The following USP34 variants were observed in gnomAD, a reference collection of about 807,000 sequenced individuals.
USP34 encodes the protein ubiquitin carboxyl-terminal hydrolase 34.
USP34 carries 70 observed loss-of-function variants against 460.3 expected under a neutral mutation model. The observed-to-expected ratio is 0.15, with a 90% CI of 0.13 to 0.19. The LOEUF (loss-of-function observed/expected upper bound fraction) is 0.19. Among genes scored for constraint, USP34 ranks in the 10% least tolerant of loss-of-function variants. The probability of loss-of-function intolerance (pLI) is 1.00; values close to 1 mark genes in which losing one functional copy is unlikely to be tolerated. For missense variants in USP34, 3,985 were observed against 4,236.2 expected, an observed-to-expected ratio of 0.94 and a Z score of 1.65; for synonymous variants, 1,647 against 1,405.3, an observed-to-expected ratio of 1.17 and a Z score of -3.85.
intron 20 of USP34, among the ~76,000 whole-genome samples, chr2:61,326,486 G>C (rs905950620): frequency 3.9e-5 from 6 of 152,038 alleles, no homozygotes; most frequent in Admixed American, 3.3e-4. Flanking sequence ...CCTTGGCCTA[G>C]CAAAGTGCTG....
At chr2:61,240,285 A>G (rs191890075) in intron 53 of USP34, among the ~76,000 whole-genome samples, 1 of 152,222 alleles carries the variant, frequency 6.6e-6, no homozygotes, top group African/African-American at 2.4e-5. Flanking sequence ...GTATTCCTTA[A>G]TATGTAAAAT....
chr2:61,287,951 A>C (rs1689738071), intron 34 of USP34, among the ~76,000 whole-genome samples: 1 of 152,192 alleles, frequency 6.6e-6, no homozygotes, highest in Non-Finnish European at 1.5e-5. Flanking sequence ...TATATCAAAA[A>C]CCAAATTCCT....
chr2:61,348,138 T>C lies in USP34; in HGVS notation c.2017A>G (p.Lys673Glu). 6.2e-7 allele frequency: 1 copy of C among 1,614,222 alleles called. No individual in the cohort carries two copies. The highest frequency in any genetic ancestry group is 8.5e-7 in the Non-Finnish European group (1 of 1,180,032). Residue 673 changes from lysine (K) to glutamate (E), a missense_variant, in exon 15 of 80, where the codon AAG becomes GAG. Lys to Glu is a moderately conservative substitution (Grantham distance 56, BLOSUM62 1). Around this residue, in one of 14 missense-constraint regions of USP34, gnomAD observed 716 missense variants for 626.2 expected, o/e 1.14. Coordinates refer to ENST00000398571, the MANE Select transcript of USP34 (RefSeq NM_014709.4). ...ERNGTSSGTG[K>E]DLVFNTESLP... Reference sequence around the variant, plus strand: ...GATTCAGTGTTAAAAACCAGGTCCTTTCCTGTTCCGCTGCTTGTCCCATTT... The same window carrying C: ...GATTCAGTGTTAAAAACCAGGTCCTCTCCTGTTCCGCTGCTTGTCCCATTT...
rs769375917 is a variant in USP34 at position 61,211,794 on chromosome 2, A to T, written c.8818T>A (p.Ser2940Thr). The change falls in exon 69 of 80, where the codon TCC becomes ACC. Residue 2940 changes from serine (S) to threonine (T), a missense_variant. Physicochemically the swap from Ser to Thr is moderately conservative, Grantham distance 58. Transcript: ENST00000398571. The stretch of plus-strand genomic sequence containing the variant: ...TACCTTATTAAAGTAGTCCAGCAGG[A>T]GCGGCCATCTAAGCAACGTAAGTAA... The part of the protein sequence containing the change: ...SCYLRCLDGR[S>T]CWTTLISAFR... The T allele has an allele frequency of 3.1e-6, 5 of 1,588,086 alleles. No homozygotes were observed. The highest frequency in any genetic ancestry group is 1.4e-5 in the African/African-American group (1 of 72,384).
At chr2:61,279,442 C>T (rs938538499) in intron 39 of USP34, among the ~76,000 whole-genome samples, 4 of 152,096 alleles carry the variant, frequency 2.6e-5, no homozygotes, top group African/African-American at 9.7e-5. Context: ...AAACGCAAGT[C>T]TTTAAGTGGC....
At chr2:61,383,429 G>T in intron 5 of USP34, 93 bp from the exon 6 acceptor site, 1 of 957,304 alleles carries the variant, frequency 1.0e-6, no homozygotes, top group Non-Finnish European at 1.5e-6. Context: ...CATTGGCCAG[G>T]CACGGTCGCT....
At chr2:61,378,045 C>G (rs193029506) in intron 8 of USP34, among the ~76,000 whole-genome samples, 4 of 152,134 alleles carry the variant, frequency 2.6e-5, no homozygotes, top group Non-Finnish European at 5.9e-5. Flanking sequence ...TGCTGGCATG[C>G]GCCTATGGTC....
chr2:61,209,536 A>G (rs1391559131), intron 69 of USP34, among the ~76,000 whole-genome samples: 1 of 152,250 alleles, frequency 6.6e-6, no homozygotes, highest in East Asian at 1.9e-4. Context: ...CCATGGTAAC[A>G]TTCACAATGC....
Position 61,222,627 on chromosome 2 carries a change from T to A in USP34, c.7786A>T (p.Thr2596Ser). 6.2e-7 allele frequency: 1 copy of A among 1,611,956 alleles called. No individual in the cohort carries two copies. Among genetic ancestry groups the A allele is most frequent in the Non-Finnish European group, 8.5e-7 (1 of 1,178,600 alleles). ...SMLFTSIAKL[T>S]PEAANPFFKL... ...AACAAATGTTTACATACCTCAGGAG[T>A]CAACTTTGCTATTGATGTGAAAAGC... The change falls in exon 65 of 80, where the codon ACT becomes TCT. Residue 2596 changes from threonine (T) to serine (S), a missense_variant. By Grantham distance (58) the Thr-to-Ser change is moderately conservative (BLOSUM62 1). This residue lies in a region of USP34 where 604 missense variants were observed against 684.8 expected (regional missense o/e 0.88). Coordinates refer to ENST00000398571, the MANE Select transcript of USP34 (RefSeq NM_014709.4).
At chr2:61,345,657 CAG>C (rs1394604928) in intron 15 of USP34, among the ~76,000 whole-genome samples, 11 of 152,312 alleles carry the variant, frequency 7.2e-5, no homozygotes, top group Admixed American at 3.9e-4. Flanking sequence ...TTTTTAGAGA[CAG>C]AGTCTCATTC....
chr2:61,354,955 C>A (rs989916221), intron 10 of USP34, among the ~76,000 whole-genome samples: 1 of 152,120 alleles, frequency 6.6e-6, no homozygotes, highest in Non-Finnish European at 1.5e-5. Context: ...TGGGACCAGC[C>A]CAATCTCAGA....
chr2:61,375,229 T>C (rs1248775667), intron 8 of USP34, among the ~76,000 whole-genome samples: 1 of 152,058 alleles, frequency 6.6e-6, no homozygotes, highest in Non-Finnish European at 1.5e-5. Context: ...ATGGCAATAA[T>C]AAATCTAGAT....
intron 21 of USP34, among the ~76,000 whole-genome samples, chr2:61,322,764 T>C (rs912024799): frequency 6.6e-6 from 1 of 152,116 alleles, no homozygotes; most frequent in African/African-American, 2.4e-5. Flanking sequence ...AGATTATTTG[T>C]TCTGAGAACT....
chr2:61,308,070 C>G (rs1168818591), intron 27 of USP34, among the ~76,000 whole-genome samples: 1 of 151,470 alleles, frequency 6.6e-6, no homozygotes, highest in African/African-American at 2.4e-5. Context: ...TAAATAAAAA[C>G]AAAGTAACAG....
Position 61,227,080 on chromosome 2 carries a change from A to T in USP34, c.7582T>A (p.Ser2528Thr). 2.5e-6 allele frequency: 4 copies of T among 1,608,508 alleles called. No homozygotes were observed. Among genetic ancestry groups the T allele is most frequent in the Non-Finnish European group, 3.4e-6 (4 of 1,178,742 alleles). Residue 2528 changes from serine (S) to threonine (T), a missense_variant, in exon 62 of 80, where the codon TCT becomes ACT. Around this residue, in one of 14 missense-constraint regions of USP34, gnomAD observed 604 missense variants for 684.8 expected, o/e 0.88. Coordinates refer to ENST00000398571, the MANE Select transcript of USP34 (RefSeq NM_014709.4). ...GAAACATTTCACCTTTCTGATCGAG[A>T]CTGTTCAACCAAAAGAGCAACTAAA... Reference protein sequence around the residue: ...IALVALLVEQSRSERHLTLSQ... With the variant: ...IALVALLVEQTRSERHLTLSQ...
chr2:61,366,386 T>A (rs1692442288), intron 10 of USP34, among the ~76,000 whole-genome samples: 1 of 152,170 alleles, frequency 6.6e-6, no homozygotes. Flanking sequence ...GACATGGAGA[T>A]GGAGACGGGA....
At chr2:61,221,423 C>A (rs1687581937) in intron 66 of USP34, 79 bp downstream of exon 66, 1 of 1,306,354 alleles carries the variant, frequency 7.7e-7, no homozygotes, top group Admixed American at 2.6e-5. Flanking sequence ...GAAACTGGTA[C>A]TTAAAATGGT....
chr2:61,200,773 G>A (rs1006525564), intron 75 of USP34: 1 of 152,270 alleles, frequency 6.6e-6, no homozygotes, highest in Non-Finnish European at 1.5e-5. Flanking sequence ...TACCAACTCT[G>A]TGTGGTCATT....
At chr2:61,225,477 C>T (rs551052426) in intron 62 of USP34, among the ~76,000 whole-genome samples, 160 of 151,922 alleles carry the variant, frequency 1.1e-3, no homozygotes, top group Non-Finnish European at 1.8e-3. Context: ...ACTTCTTATT[C>T]ATTTATTTAT....
Sources: allele counts gnomAD v4.1 joint callset (sites outside exome capture counted in the v4.1 genomes callset), GRCh38; gene constraint gnomAD v4.1.1; regional missense constraint gnomAD v4.1.1; transcripts MANE v1.5; gene names NCBI Gene and HGNC (gene_info 2026-07-23, HGNC 2026-07-21).